CEP57: variants seen among roughly 807,000 people sequenced by gnomAD.
The protein encoded by CEP57 is centrosomal protein of 57 kDa.
CEP57 carries 40 observed loss-of-function variants against 68.0 expected under a neutral mutation model. The ratio of observed to expected loss-of-function variants is 0.59; its 90% CI spans 0.46 to 0.77. CEP57 has a LOEUF of 0.77. CEP57 is among the 30% of genes least tolerant of loss of function. The probability of loss-of-function intolerance (pLI) is 0.00; values close to 1 mark genes in which losing one functional copy is unlikely to be tolerated. For synonymous variants in CEP57, 219 were observed against 198.7 expected (o/e 1.10, Z -0.86); for missense variants, 606 against 580.7 (o/e 1.04, Z -0.45).
At chr11:95,829,427 TA>T in intron 10 of CEP57, 96 bp downstream of exon 10, 1 of 1,251,914 alleles carries the variant, frequency 8.0e-7, no homozygotes, top group East Asian at 2.3e-5. Flanking sequence ...GTATCATAGA[TA>T]AATATCTACA....
At chr11:95,816,752 A>G (rs1447832901) in intron 4 of CEP57, among the ~76,000 whole-genome samples, 6 of 152,168 alleles carry the variant, frequency 3.9e-5, no homozygotes, top group South Asian at 2.1e-4. Flanking sequence ...TTGAGTTAGT[A>G]TATTTGAAAT....
intron 2 of CEP57, among the ~76,000 whole-genome samples, chr11:95,800,812 A>G (rs1861545553): frequency 6.6e-6 from 1 of 152,144 alleles, no homozygotes; most frequent in Non-Finnish European, 1.5e-5. Flanking sequence ...GATGGTTTTG[A>G]TATTGAATTT....
At chr11:95,815,967 T>A (rs192389776) in intron 4 of CEP57, among the ~76,000 whole-genome samples, 1 of 152,348 alleles carries the variant, frequency 6.6e-6, no homozygotes, top group East Asian at 1.9e-4. Context: ...CATTTGCTTT[T>A]GAGTTCCTTT....
In CEP57 at chr11:95,822,126, T is replaced by TA. The variant is rs1862542380; in HGVS notation, c.807+149dup. ...TCATTCAGAAGGTGGAGATAAGTAA[T>TA]ACCTACTCCTAAATTTTTATCCTGA... On this transcript the variant is annotated intron_variant, in intron 7 of 10. Coordinates refer to ENST00000325542, the MANE Select transcript of CEP57 (RefSeq NM_014679.5). 5 of 664,344 alleles carry TA rather than the reference T, an allele frequency of 7.5e-6. No homozygotes were observed. The South Asian group carries it at 8.6e-5, about 11-fold the overall frequency. 41.2% of individuals were successfully genotyped at this position (664,344 alleles called of 1,614,324 possible).
chr11:95,793,538 C>T, intron 1 of CEP57, among the ~76,000 whole-genome samples: 1 of 101,310 alleles, frequency 9.9e-6, no homozygotes, highest in East Asian at 2.2e-4. Context: ...AAAATGAATA[C>T]CTTCATGTTC....
chr11:95,801,230 TAAAA>T (rs1418757399), intron 2 of CEP57, among the ~76,000 whole-genome samples: 1 of 152,114 alleles, frequency 6.6e-6, no homozygotes, highest in African/African-American at 2.4e-5. Flanking sequence ...TTTACTGAAA[TAAAA>T]GTAACTAAAT....
intron 8 of CEP57, among the ~76,000 whole-genome samples, chr11:95,823,592 GACT>G (rs146605999): frequency 0.029 from 4,463 of 151,848 alleles, 215 homozygotes; most frequent in African/African-American, 0.1. Context: ...TTTGCACACA[GACT>G]ACGTGACGCC....
intron 8 of CEP57, chr11:95,826,344 AATTT>A (rs747004613): frequency 1.3e-5 from 2 of 152,172 alleles, no homozygotes; most frequent in Non-Finnish European, 1.5e-5. Context: ...TTTAGGGCAA[AATTT>A]ATTATAGTTC....
chr11:95,830,138 A>G (rs1862939570), intron 10 of CEP57, among the ~76,000 whole-genome samples: 1 of 152,128 alleles, frequency 6.6e-6, no homozygotes, highest in Admixed American at 6.6e-5. Context: ...TTCTCATTTA[A>G]TTTTCACAAA....
At chr11:95,798,833 A>T (rs566479783) in intron 1 of CEP57, among the ~76,000 whole-genome samples, 3 of 152,320 alleles carry the variant, frequency 2.0e-5, no homozygotes, top group African/African-American at 7.2e-5. Flanking sequence ...ATATTCAAGT[A>T]GTAGTTTGTG....
rs1187319548 is a variant in CEP57 at position 95,803,485 on chromosome 11, A to G, written c.202+4097A>G. On this transcript the variant is annotated intron_variant, in intron 2 of 10. Transcript: ENST00000325542. ...TAAAACAGTAAACTAAAAAGTAGGA[A>G]AAGTCAGAAAGGTGGAGAACTACCA... Among the ~76,000 whole-genome samples the G allele has an allele frequency of 6.6e-5, 10 of 152,176 alleles. 1 individual carries two copies. In the South Asian group the frequency reaches 1.0e-3, roughly 16 times the overall value.
chr11:95,812,091 T>G (rs938699257), intron 2 of CEP57, among the ~76,000 whole-genome samples: 4 of 152,180 alleles, frequency 2.6e-5, no homozygotes, highest in Non-Finnish European at 5.9e-5. Flanking sequence ...GTCAACATAA[T>G]TTTATAATCA....
intron 2 of CEP57, among the ~76,000 whole-genome samples, chr11:95,799,922 T>A (rs566484432): frequency 2.4e-4 from 37 of 152,246 alleles, no homozygotes; most frequent in Non-Finnish European, 4.7e-4. Context: ...AGACCCTATA[T>A]GCCTCACCAG....
At chr11:95,821,618 TGG>T (rs371208103) in intron 6 of CEP57, among the ~76,000 whole-genome samples, 89 of 152,324 alleles carry the variant, frequency 5.8e-4, no homozygotes, top group African/African-American at 2.0e-3. Context: ...CTACAAATAC[TGG>T]AGATAATGTG....
chr11:95,829,297 A>G lies in CEP57; in HGVS notation c.1238A>G (p.Asn413Ser), dbSNP rs1049945172. Residue 413 changes from asparagine to serine, a missense_variant, in exon 10 of 11, where the codon AAC (asparagine) becomes AGC (serine). Transcript: ENST00000325542. ...GTGGGAAGGATGGAAGCAAAAGCCA[A>G]CCAAATAACTAAAGTTCGAAAATAC... ...ALVGRMEAKANQITKVRKYQA... is the reference protein window; with the variant it reads ...ALVGRMEAKASQITKVRKYQA... 6.2e-7 allele frequency: 1 copy of G among 1,614,064 alleles called. No homozygotes were observed.
chr11:95,817,684 T>C, intron 4 of CEP57, 103 bp from the exon 5 acceptor site: 1 of 774,794 alleles, frequency 1.3e-6, no homozygotes, highest in South Asian at 1.4e-5. Context: ...TTCCTAGAAG[T>C]AGTTATGTGA....
rs1863002697 is a variant in CEP57, at chr11:95,831,425, A to G, written c.*169A>G. On this transcript the variant is annotated 3_prime_UTR_variant, in exon 11 of 11. Coordinates refer to ENST00000325542, the MANE Select transcript of CEP57 (RefSeq NM_014679.5). ...CTTTTCATGTATGCAGGATGACTCA[A>G]TGTTAAAGCATTTAAATGGAAACCA... 3.5e-6 allele frequency: 2 copies of G among 564,638 alleles called. No individual in the cohort carries two copies. Among genetic ancestry groups the G allele is most frequent in the Non-Finnish European group, 6.3e-6 (2 of 315,428 alleles). The allele number at this position is 564,638 out of a possible 1,614,324, so 35.0% of individuals were successfully genotyped here.
chr11:95,818,326 G>A (rs143555014), intron 5 of CEP57, among the ~76,000 whole-genome samples: 4 of 150,880 alleles, frequency 2.7e-5, no homozygotes, highest in Non-Finnish European at 5.9e-5. Flanking sequence ...CAGGAGAATC[G>A]CTTGAAACCA....
chr11:95,818,024 T>C, intron 5 of CEP57, 121 bp downstream of exon 5: 1 of 705,880 alleles, frequency 1.4e-6, no homozygotes, highest in Non-Finnish European at 2.6e-6. Context: ...AGAAATATAT[T>C]GGAGTTTTAA....
Sources: allele counts gnomAD v4.1 joint callset (sites outside exome capture counted in the v4.1 genomes callset), GRCh38; gene constraint gnomAD v4.1.1; transcripts MANE v1.5; gene names NCBI Gene and HGNC (gene_info 2026-07-23, HGNC 2026-07-21).